The following LCLAT1 variants were observed in gnomAD, a reference collection of about 807,000 sequenced individuals.
The protein encoded by LCLAT1 is lysocardiolipin acyltransferase 1.
Under a neutral mutation model 30.7 loss-of-function variants are expected in LCLAT1, and 11 were observed. The observed-to-expected ratio is 0.36, with a 90% CI of 0.23 to 0.59. The LOEUF is 0.59. Ranked by LOEUF, LCLAT1 falls within the 20% of genes least tolerant of loss-of-function variation. LCLAT1 has a pLI of 0.77. For missense variants in LCLAT1, 402 were observed against 458.6 expected, an observed-to-expected ratio of 0.88 and a Z score of 1.13; for synonymous variants, 155 against 151.3, an observed-to-expected ratio of 1.02 and a Z score of -0.18.
At chr2:30,508,707 T>C (rs2148354497) in intron 1 of LCLAT1, among the ~76,000 whole-genome samples, 1 of 152,310 alleles carries the variant, frequency 6.6e-6, no homozygotes. Flanking sequence ...CTTTGTTCTT[T>C]TTGCTTAGGA....
At chr2:30,625,823 G>C (rs1668481425) in intron 5 of LCLAT1, among the ~76,000 whole-genome samples, 2 of 152,158 alleles carry the variant, frequency 1.3e-5, no homozygotes, top group East Asian at 3.8e-4. Context: ...AAAGGCTTTA[G>C]AGTCATACGA....
At chr2:30,455,257 A>C (rs1220930951) in intron 1 of LCLAT1, among the ~76,000 whole-genome samples, 4 of 152,162 alleles carry the variant, frequency 2.6e-5, no homozygotes, top group Non-Finnish European at 4.4e-5. Context: ...TGTACTTCAG[A>C]CTAGTCAAAT....
At chr2:30,593,278 A>G (rs765699820) in intron 5 of LCLAT1, among the ~76,000 whole-genome samples, 17 of 152,270 alleles carry the variant, frequency 1.1e-4, no homozygotes, top group Middle Eastern at 3.4e-3. Context: ...TTCATTATAT[A>G]TATGGAATAC....
rs1667099009 is a variant in LCLAT1 at position 30,599,858 on chromosome 2, C to T, written c.628+31682C>T. 2.0e-5 allele frequency among the ~76,000 whole-genome samples: 3 copies of T among 151,868 alleles called. No individual in the cohort carries two copies. The South Asian group carries it at 6.2e-4, about 32-fold the overall frequency. On this transcript the variant is annotated intron_variant, in intron 5 of 5. Transcript: ENST00000379509. ...GTATGTCTTTGCATGTGAGATGGGT[C>T]TTGTCTTTTTATCTAGCTTGCCATT...
intron 1 of LCLAT1, among the ~76,000 whole-genome samples, chr2:30,522,027 C>T (rs1395950806): frequency 6.6e-6 from 1 of 152,138 alleles, no homozygotes; most frequent in African/African-American, 2.4e-5. Flanking sequence ...TTGCATGGAT[C>T]AGTAGTTTGT....
chr2:30,494,960 T>A (rs907238236), intron 1 of LCLAT1, among the ~76,000 whole-genome samples: 1 of 151,864 alleles, frequency 6.6e-6, no homozygotes, highest in Non-Finnish European at 1.5e-5. Context: ...GTGATTTTTT[T>A]TTTTTTTTAA....
intron 5 of LCLAT1, among the ~76,000 whole-genome samples, chr2:30,613,161 A>G (rs1294783323): frequency 6.6e-6 from 1 of 152,154 alleles, no homozygotes; most frequent in African/African-American, 2.4e-5. Flanking sequence ...CATGAGCAGT[A>G]GCAGAGAATG....
chr2:30,463,493 C>T (rs1053415426), intron 1 of LCLAT1, among the ~76,000 whole-genome samples: 1 of 152,216 alleles, frequency 6.6e-6, no homozygotes, highest in East Asian at 1.9e-4. Context: ...TATAGTCAGC[C>T]CCTCTGTATC....
chr2:30,466,229 T>TTTTTCTTTTC (rs377542663), intron 1 of LCLAT1, among the ~76,000 whole-genome samples: 367 of 149,702 alleles, frequency 2.5e-3, no homozygotes, highest in Non-Finnish European at 4.2e-3. Context: ...GTGTTTTCTT[T>TTTTTCTTTTC]TTTTCTTTTC....
chr2:30,558,473 G>A (rs1171290989), intron 3 of LCLAT1, among the ~76,000 whole-genome samples: 1 of 151,884 alleles, frequency 6.6e-6, no homozygotes, highest in African/African-American at 2.4e-5. Context: ...GGTGGCATGT[G>A]CCTGTAGTCC....
intron 3 of LCLAT1, among the ~76,000 whole-genome samples, chr2:30,544,924 A>G (rs368731146): frequency 6.6e-6 from 1 of 152,102 alleles, no homozygotes; most frequent in Non-Finnish European, 1.5e-5. Context: ...TTGAGCCCCT[A>G]TTTAAGTATT....
At chr2:30,468,658 C>T (rs1041581171) in intron 1 of LCLAT1, among the ~76,000 whole-genome samples, 3 of 152,162 alleles carry the variant, frequency 2.0e-5, no homozygotes, top group African/African-American at 4.8e-5. Flanking sequence ...TTTATCACCT[C>T]AAAGGAAACT....
intron 3 of LCLAT1, among the ~76,000 whole-genome samples, chr2:30,542,713 A>G (rs1220867323): frequency 6.6e-6 from 1 of 152,060 alleles, no homozygotes; most frequent in Non-Finnish European, 1.5e-5. Context: ...AAGGTCTTTC[A>G]CAACTTGCAT....
chr2:30,533,367 A>G, intron 3 of LCLAT1, 53 bp downstream of exon 3: 1 of 1,443,420 alleles, frequency 6.9e-7, no homozygotes, highest in Non-Finnish European at 9.8e-7. Flanking sequence ...GATGTAATGC[A>G]CCCACTGTAA....
intron 3 of LCLAT1, among the ~76,000 whole-genome samples, chr2:30,542,006 A>G (rs1664164643): frequency 1.3e-5 from 2 of 152,112 alleles, no homozygotes; most frequent in South Asian, 4.1e-4. Flanking sequence ...CTCATTGGCC[A>G]TTCATATAGC....
chr2:30,551,675 G>A (rs938335429), intron 3 of LCLAT1, among the ~76,000 whole-genome samples: 3 of 152,118 alleles, frequency 2.0e-5, no homozygotes, highest in South Asian at 2.1e-4. Context: ...GGATTGCTAC[G>A]GGATCTGTTT....
At chr2:30,474,527 C>T (rs774711927) in intron 1 of LCLAT1, among the ~76,000 whole-genome samples, 4 of 152,064 alleles carry the variant, frequency 2.6e-5, no homozygotes, top group South Asian at 2.1e-4. Flanking sequence ...GGAATACAGG[C>T]GTGTGCCACA....
At chr2:30,598,003 G>T (rs1667005173) in intron 5 of LCLAT1, among the ~76,000 whole-genome samples, 1 of 152,126 alleles carries the variant, frequency 6.6e-6, no homozygotes, top group Non-Finnish European at 1.5e-5. Flanking sequence ...ACTTGATCAT[G>T]GTGTATAAGT....
At chr2:30,474,665 T>TC (rs1682959429) in intron 1 of LCLAT1, among the ~76,000 whole-genome samples, 1 of 148,244 alleles carries the variant, frequency 6.7e-6, no homozygotes, top group East Asian at 2.0e-4. Context: ...TTTTTTTTTT[T>TC]CTAAATAGGG....
Sources: allele counts gnomAD v4.1 joint callset (sites outside exome capture counted in the v4.1 genomes callset), GRCh38; gene constraint gnomAD v4.1.1; transcripts MANE v1.5; gene names NCBI Gene and HGNC (gene_info 2026-07-23, HGNC 2026-07-21).